The following REV3L variants were observed in gnomAD, a reference collection of about 807,000 sequenced individuals.
The protein encoded by REV3L is REV3 like, DNA directed polymerase zeta catalytic subunit.
REV3L carries 69 observed loss-of-function variants against 299.4 expected under a neutral mutation model. The observed-to-expected ratio is 0.23, with a 90% CI of 0.19 to 0.28. The LOEUF (loss-of-function observed/expected upper bound fraction) is 0.28, where lower values mean the gene tolerates loss of function less well. Among genes scored for constraint, REV3L ranks in the 10% least tolerant of loss-of-function variants. The pLI is 1.00. For synonymous variants in REV3L, 1,238 were observed against 1,271.4 expected, an observed-to-expected ratio of 0.97 and a Z score of 0.56; for missense variants, 3,128 against 3,693.8, an observed-to-expected ratio of 0.85 and a Z score of 3.97.
chr6:111,405,610 C>T lies in REV3L; in HGVS notation c.425G>A (p.Ser142Asn). The T allele has an allele frequency of 6.3e-7, 1 of 1,597,752 alleles. No individual in the cohort carries two copies. Among genetic ancestry groups the T allele is most frequent in the Non-Finnish European group, 8.5e-7 (1 of 1,174,584 alleles). ...GTAAAATTTATTCATTATGGCTCCG[C>T]TTTGCAAAAGTTCACATATCCTAAA... Reference protein sequence around the residue: ...MVKRICELLQSGAIMNKFYQP... With the variant: ...MVKRICELLQNGAIMNKFYQP... The change falls in exon 4 of 32, where the codon AGC (serine) becomes AAC (asparagine). Residue 142 changes from serine (S) to asparagine (N), a missense_variant. Ser to Asn is a conservative substitution (Grantham distance 46). Transcript: ENST00000368802.
intron 21 of REV3L, among the ~76,000 whole-genome samples, chr6:111,336,354 A>G (rs1310356755): frequency 6.6e-6 from 1 of 152,110 alleles, no homozygotes; most frequent in Non-Finnish European, 1.5e-5. Flanking sequence ...AGGTTCACAT[A>G]TATTGTAATC....
In REV3L at chr6:111,344,059, A is replaced by G. The variant is rs1303800817; in HGVS notation, c.7420-16T>C. 6.6e-7 allele frequency: 1 copy of G among 1,523,122 alleles called. No homozygotes were observed. The highest frequency in any genetic ancestry group is 9.0e-7 in the Non-Finnish European group (1 of 1,110,762). The allele number at this position is 1,523,122 out of a possible 1,614,324, so 94.4% of individuals were successfully genotyped here. ...TTAGAGCCACCTAAAAAAAAAGGCA[A>G]GACACCATTATAATAATGCTTACAT... On this transcript the variant is annotated splice_polypyrimidine_tract_variant and intron_variant, in intron 20 of 31. Transcript: ENST00000368802.
intron 1 of REV3L, among the ~76,000 whole-genome samples, chr6:111,470,409 G>A (rs1266415492): frequency 6.6e-6 from 1 of 152,084 alleles, no homozygotes; most frequent in Non-Finnish European, 1.5e-5. Context: ...ATCACTTTAG[G>A]CAAAGTTAAT....
At chr6:111,356,918 T>G (rs1778150390) in intron 18 of REV3L, 96 bp downstream of exon 18, 2 of 569,952 alleles carry the variant, frequency 3.5e-6, no homozygotes, top group Non-Finnish European at 6.0e-6. Flanking sequence ...GGGATTCGCT[T>G]TCTTCCTACC....
intron 21 of REV3L, among the ~76,000 whole-genome samples, chr6:111,343,053 A>G (rs140807438): frequency 2.0e-3 from 302 of 152,286 alleles, no homozygotes; most frequent in African/African-American, 6.5e-3. Context: ...GTTAACACAC[A>G]ACAGCCATAT....
chr6:111,315,696 C>T (rs538989531), intron 26 of REV3L: 7 of 269,362 alleles, frequency 2.6e-5, no homozygotes, highest in African/African-American at 1.5e-4. Flanking sequence ...GGGTCACTAA[C>T]CCCAAGGCTA....
chr6:111,374,619 G>C lies in REV3L; in HGVS notation c.3736C>G (p.Gln1246Glu). ...GAEVKFVLKH[Q>E]NVSEFASSSG... ...CTACTTGCAAATTCAGACACATTCT[G>C]GTGTTTCAGTACAAACTTAACCTCA... is the stretch of plus-strand genomic sequence containing the variant. The change falls in exon 13 of 32, where the codon CAG (glutamine) becomes GAG (glutamate). Residue 1246 changes from glutamine to glutamate, a missense_variant. By Grantham distance (29) the Gln-to-Glu change is conservative. Transcript: ENST00000368802. 5.6e-6 allele frequency: 9 copies of C among 1,613,498 alleles called. No homozygotes were observed. Among genetic ancestry groups the C allele is most frequent in the Non-Finnish European group, 7.6e-6 (9 of 1,179,800 alleles).
At chr6:111,310,970 AT>A in intron 29 of REV3L, 98 bp downstream of exon 29, 1 of 924,100 alleles carries the variant, frequency 1.1e-6, no homozygotes, top group Non-Finnish European at 1.5e-6. Flanking sequence ...TAAAGAAACA[AT>A]TTTGTGTCTG....
intron 24 of REV3L, 93 bp downstream of exon 24, chr6:111,331,580 TTTG>T: frequency 1.3e-6 from 1 of 741,004 alleles, no homozygotes; most frequent in Non-Finnish European, 2.1e-6. Flanking sequence ...ACTCGGTGTT[TTTG>T]TTTTCTATTA....
chr6:111,398,492 T>C (rs746016288), intron 4 of REV3L, among the ~76,000 whole-genome samples: 4 of 152,170 alleles, frequency 2.6e-5, no homozygotes, highest in Non-Finnish European at 4.4e-5. Context: ...ACTACAGTAA[T>C]TAGCATCATT....
chr6:111,391,042 A>C (rs1244387354), intron 5 of REV3L, among the ~76,000 whole-genome samples: 3 of 151,652 alleles, frequency 2.0e-5, no homozygotes, highest in Non-Finnish European at 4.4e-5. Flanking sequence ...TATTTCATTA[A>C]CTTTTGATTT....
At chr6:111,458,614 T>C (rs778482934) in intron 1 of REV3L, among the ~76,000 whole-genome samples, 1 of 151,986 alleles carries the variant, frequency 6.6e-6, no homozygotes, top group Non-Finnish European at 1.5e-5. Context: ...TGTACAAAAA[T>C]CAGTAGCATT....
chr6:111,456,214 T>A (rs1790141546), intron 1 of REV3L, among the ~76,000 whole-genome samples: 1 of 152,196 alleles, frequency 6.6e-6, no homozygotes, highest in African/African-American at 2.4e-5. Flanking sequence ...AGAGTCGGTC[T>A]TCCTTTTTAC....
chr6:111,329,783 G>T, intron 24 of REV3L, 45 bp from the exon 25 acceptor site: 2 of 1,390,948 alleles, frequency 1.4e-6, no homozygotes, highest in Non-Finnish European at 1.0e-6. Context: ...AAACATTATA[G>T]ATTTACATAA....
intron 1 of REV3L, among the ~76,000 whole-genome samples, chr6:111,448,915 G>A (rs567433861): frequency 1.1e-4 from 16 of 150,414 alleles, no homozygotes; most frequent in Non-Finnish European, 1.9e-4. Flanking sequence ...TTCCTGCCCC[G>A]GCCTCCCAAA....
At chr6:111,326,505 A>G (rs1251782900) in intron 25 of REV3L, among the ~76,000 whole-genome samples, 1 of 152,138 alleles carries the variant, frequency 6.6e-6, no homozygotes, top group Non-Finnish European at 1.5e-5. Flanking sequence ...TGTAGTGGGA[A>G]TGTAAATTAG....
rs1363369995 is a variant in REV3L at position 111,376,705 on chromosome 6, T to C, written c.1650A>G (p.Thr550=). The change falls in exon 13 of 32, where the codon ACA becomes ACG. Residue 550 remains threonine (T), a synonymous_variant. Coordinates refer to ENST00000368802, the MANE Select transcript of REV3L (RefSeq NM_001372078.1). ...NSRTHSSVIA[T]SKLSVKPSIF... The stretch of plus-strand genomic sequence containing the variant: ...TGGAGGGTTTAACTGAAAGCTTGCT[T>C]GTTGCAATTACAGAAGAGTGGGTTC... 4.4e-6 allele frequency: 7 copies of C among 1,604,650 alleles called. No individual in the cohort carries two copies. The highest frequency in any genetic ancestry group is 5.9e-6 in the Non-Finnish European group (7 of 1,179,274).
chr6:111,470,736 T>C (rs1226259740), intron 1 of REV3L, among the ~76,000 whole-genome samples: 1 of 152,148 alleles, frequency 6.6e-6, no homozygotes, highest in Non-Finnish European at 1.5e-5. Flanking sequence ...TCCCGGCACT[T>C]TGGGAGGCCA....
At chr6:111,316,224 T>TAAAAAA (rs75805183) in intron 26 of REV3L, among the ~76,000 whole-genome samples, 1 of 104,262 alleles carries the variant, frequency 9.6e-6, no homozygotes. Flanking sequence ...GGACTCCATC[T>TAAAAAA]AAAAAAAAAA....
Sources: gnomAD v4.1 joint callset for allele counts (sites outside exome capture counted in the v4.1 genomes callset) on GRCh38, gnomAD v4.1.1 for gene constraint, MANE v1.5 for transcripts, NCBI Gene and HGNC (gene_info 2026-07-23, HGNC 2026-07-21) for gene names.